The following ANGPT1 variants were observed in gnomAD, a reference collection of about 807,000 sequenced individuals.
The protein encoded by ANGPT1 is angiopoietin 1.
A neutral mutation model predicts 62.2 loss-of-function variants in ANGPT1; 17 were observed. The ratio of observed to expected loss-of-function variants is 0.27; its 90% CI spans 0.19 to 0.41. The LOEUF is 0.41. ANGPT1 is among the 10% of genes least tolerant of loss of function. ANGPT1 has a pLI of 1.00. For missense variants in ANGPT1, 478 were observed against 594.9 expected (o/e 0.80, Z 2.04); for synonymous variants, 199 against 198.9 (o/e 1.00, Z 0.00).
At chr8:107,426,520 A>T (rs1481156954) in intron 1 of ANGPT1, among the ~76,000 whole-genome samples, 1 of 151,924 alleles carries the variant, frequency 6.6e-6, no homozygotes, top group African/African-American at 2.4e-5. Flanking sequence ...AAATTGAAGA[A>T]CCTCTCTCCA....
intron 1 of ANGPT1, among the ~76,000 whole-genome samples, chr8:107,404,770 C>T (rs895413379): frequency 6.6e-6 from 1 of 152,044 alleles, no homozygotes; most frequent in African/African-American, 2.4e-5. Flanking sequence ...GATAATGACA[C>T]ACTGCTCTCC....
At chr8:107,463,468 C>T (rs1430308571) in intron 1 of ANGPT1, among the ~76,000 whole-genome samples, 1 of 152,018 alleles carries the variant, frequency 6.6e-6, no homozygotes, top group Non-Finnish European at 1.5e-5. Context: ...ACTAATGCAG[C>T]CCCCAAATGT....
At chr8:107,252,047 G>A in intron 8 of ANGPT1, 32 bp from the exon 9 acceptor site, 1 of 1,584,960 alleles carries the variant, frequency 6.3e-7, no homozygotes. Flanking sequence ...GAAGAGAGAA[G>A]GAGAGGCAAC....
chr8:107,479,492 G>T (rs1162618303), intron 1 of ANGPT1, among the ~76,000 whole-genome samples: 1 of 152,058 alleles, frequency 6.6e-6, no homozygotes, highest in Non-Finnish European at 1.5e-5. Context: ...ACTTAAGAAG[G>T]GGAAAATCTG....
At chr8:107,372,850 C>A (rs189752586) in intron 1 of ANGPT1, among the ~76,000 whole-genome samples, 1 of 151,300 alleles carries the variant, frequency 6.6e-6, no homozygotes, top group Non-Finnish European at 1.5e-5. Flanking sequence ...AAGCAGAAGA[C>A]GTGAGCGTGA....
intron 1 of ANGPT1, among the ~76,000 whole-genome samples, chr8:107,452,770 T>C (rs1338972462): frequency 6.6e-6 from 1 of 151,994 alleles, no homozygotes; most frequent in African/African-American, 2.4e-5. Context: ...GTGGAGATAA[T>C]AATTTTTATT....
At chr8:107,416,002 G>A (rs1415369041) in intron 1 of ANGPT1, among the ~76,000 whole-genome samples, 2 of 151,586 alleles carry the variant, frequency 1.3e-5, no homozygotes, top group Admixed American at 1.3e-4. Context: ...TAATCTGAAG[G>A]GAAAAAAAAA....
intron 4 of ANGPT1, among the ~76,000 whole-genome samples, chr8:107,305,288 C>T (rs1403300040): frequency 6.6e-6 from 1 of 151,734 alleles, no homozygotes; most frequent in South Asian, 2.1e-4. Context: ...AACGGTAAAC[C>T]CATTTTTCTC....
At chr8:107,417,165 A>T (rs1348919938) in intron 1 of ANGPT1, among the ~76,000 whole-genome samples, 3 of 152,198 alleles carry the variant, frequency 2.0e-5, no homozygotes, top group Non-Finnish European at 4.4e-5. Flanking sequence ...CAGGAGAAAT[A>T]AAAAGGGACA....
intron 4 of ANGPT1, among the ~76,000 whole-genome samples, chr8:107,310,889 G>A (rs367857661): frequency 6.6e-6 from 1 of 151,990 alleles, no homozygotes; most frequent in Admixed American, 6.6e-5. Flanking sequence ...ATAGGCTGGC[G>A]GGGTAGTGAG....
intron 8 of ANGPT1, among the ~76,000 whole-genome samples, chr8:107,262,390 C>T (rs1813513514): frequency 6.6e-6 from 1 of 152,192 alleles, no homozygotes; most frequent in Non-Finnish European, 1.5e-5. Context: ...TCAGGTACTA[C>T]ATTTTCTAAT....
At chr8:107,354,959 G>A (rs145176360) in intron 1 of ANGPT1, among the ~76,000 whole-genome samples, 3 of 149,868 alleles carry the variant, frequency 2.0e-5, no homozygotes, top group Non-Finnish European at 3.0e-5. Flanking sequence ...CACCCAGGCT[G>A]GAGTGCAGTG....
intron 1 of ANGPT1, among the ~76,000 whole-genome samples, chr8:107,462,071 A>G (rs1812085381): frequency 6.6e-6 from 1 of 152,074 alleles, no homozygotes; most frequent in Non-Finnish European, 1.5e-5. Context: ...AGGTCAGGCT[A>G]TGTCTAGTTT....
intron 1 of ANGPT1, among the ~76,000 whole-genome samples, chr8:107,428,261 C>T (rs547199114): frequency 6.6e-6 from 1 of 152,328 alleles, no homozygotes; most frequent in African/African-American, 2.4e-5. Flanking sequence ...TCTCAGTATA[C>T]ATGAATTCAG....
chr8:107,469,212 AT>A (rs1812283470), intron 1 of ANGPT1, among the ~76,000 whole-genome samples: 2 of 152,034 alleles, frequency 1.3e-5, no homozygotes, highest in Admixed American at 1.3e-4. Flanking sequence ...TGCAAAGTAC[AT>A]TTTTAGTACC....
intron 1 of ANGPT1, among the ~76,000 whole-genome samples, chr8:107,376,041 T>TA (rs1449822360): frequency 6.6e-6 from 1 of 152,232 alleles, no homozygotes; most frequent in Non-Finnish European, 1.5e-5. Context: ...TACAGATTTT[T>TA]ATCCCTATTC....
intron 1 of ANGPT1, among the ~76,000 whole-genome samples, chr8:107,359,222 G>A (rs1199538987): frequency 6.6e-6 from 1 of 152,122 alleles, no homozygotes; most frequent in Non-Finnish European, 1.5e-5. Flanking sequence ...GAAGAGAGGA[G>A]TACAATGTCT....
Position 107,345,499 on chromosome 8 carries a change from AAATT to A in ANGPT1, c.453+1439_453+1442del, listed in dbSNP as rs1282074467. ...AGACACAGTGTTTTAGGGGATAAAA[AAATT>A]AAACAAGACTCTGCCATGTGTTCCA... is the stretch of plus-strand genomic sequence containing the variant. On this transcript the variant is annotated intron_variant, in intron 2 of 8. Transcript: ENST00000517746. Among the ~76,000 whole-genome samples the A allele has an allele frequency of 4.6e-5, 7 of 152,286 alleles. No individual in the cohort carries two copies. The East Asian group carries it at 1.2e-3, about 25-fold the overall frequency.
intron 7 of ANGPT1, among the ~76,000 whole-genome samples, chr8:107,267,355 A>G (rs1813637434): frequency 6.6e-6 from 1 of 152,152 alleles, no homozygotes; most frequent in African/African-American, 2.4e-5. Flanking sequence ...GCCTTCAGGT[A>G]TCTCTCTATA....
Sources: gnomAD v4.1 joint callset for allele counts (sites outside exome capture counted in the v4.1 genomes callset) on GRCh38, gnomAD v4.1.1 for gene constraint, MANE v1.5 for transcripts, NCBI Gene and HGNC (gene_info 2026-07-23, HGNC 2026-07-21) for gene names.